The following TMEM35B variants were observed in gnomAD, a reference collection of about 807,000 sequenced individuals.
The protein encoded by TMEM35B is transmembrane protein 35B.
A neutral mutation model predicts 8.7 loss-of-function variants in TMEM35B; 6 were observed. The ratio of observed to expected loss-of-function variants is 0.69; its 90% CI spans 0.38 to 1.36. The LOEUF (loss-of-function observed/expected upper bound fraction) is 1.36. Ranked by LOEUF, TMEM35B falls within the 40% of genes most tolerant of loss-of-function variation. TMEM35B has a pLI of 0.02. For missense variants in TMEM35B, 176 were observed against 181.6 expected, an observed-to-expected ratio of 0.97 and a Z score of 0.18; for synonymous variants, 89 against 87.0, an observed-to-expected ratio of 1.02 and a Z score of -0.13.
exon 2 of TMEM35B, chr1:34,983,941 G>C: frequency 2.7e-6 from 4 of 1,497,148 alleles, no homozygotes; most frequent in Non-Finnish European, 3.6e-6. Flanking sequence ...TGCACGAACA[G>C]GGCATTCTAG....
At chr1:34,984,764 T>C (rs1284513639) in intron 1 of TMEM35B, among the ~76,000 whole-genome samples, 1 of 152,166 alleles carries the variant, frequency 6.6e-6, no homozygotes, top group African/African-American at 2.4e-5. Flanking sequence ...GCAGATATAC[T>C]TGCCCTTCAG....
At chr1:34,981,928 AAGAGAC>A in exon 3 of TMEM35B, 1 of 1,516,854 alleles carries the variant, frequency 6.6e-7, no homozygotes, top group South Asian at 1.3e-5. Flanking sequence ...GCATGGCATA[AAGAGAC>A]AGAGATGCTC....
At chr1:34,984,993 C>T (rs966840559) in intron 1 of TMEM35B, among the ~76,000 whole-genome samples, 4 of 151,394 alleles carry the variant, frequency 2.6e-5, no homozygotes, top group African/African-American at 9.8e-5. Flanking sequence ...GAGGTTCTGT[C>T]CCCTTCCGTC....
exon 3 of TMEM35B, chr1:34,982,037 C>A (rs1640512049): frequency 6.5e-7 from 1 of 1,550,036 alleles, no homozygotes; most frequent in Non-Finnish European, 8.7e-7. Flanking sequence ...CGACATTCAG[C>A]AGCAGCAGGA....
chr1:34,984,862 A>G (rs1569726935), intron 1 of TMEM35B, among the ~76,000 whole-genome samples: 1 of 152,128 alleles, frequency 6.6e-6, no homozygotes, highest in African/African-American at 2.4e-5. Context: ...GAAAAGAGGG[A>G]AGAGAGCGGG....
chr1:34,981,776 C>T, exon 3 of TMEM35B: 1 of 513,608 alleles, frequency 1.9e-6, no homozygotes, highest in East Asian at 3.5e-5. Context: ...ACATGTACTC[C>T]TCACAAAAGA....
In TMEM35B at chr1:34,982,135, A is replaced by G; in HGVS notation, c.290-16T>C. The stretch of plus-strand genomic sequence containing the variant: ...AAGATAGCCCCTGGAATGGAAAGTG[A>G]GGTCCCTGAGGCTCCTTGGAAGAAC... On this transcript the variant is annotated splice_polypyrimidine_tract_variant and intron_variant, in intron 2 of 2. Transcript: ENST00000373337. The G allele has an allele frequency of 6.5e-7, 1 of 1,533,370 alleles. No homozygotes were observed. Among genetic ancestry groups the G allele is most frequent in the Non-Finnish European group, 8.8e-7 (1 of 1,139,122 alleles). 95.0% of individuals were successfully genotyped at this position (1,533,370 alleles called of 1,614,324 possible).
At chr1:34,984,864 G>C (rs1182523354) in intron 1 of TMEM35B, among the ~76,000 whole-genome samples, 1 of 150,824 alleles carries the variant, frequency 6.6e-6, no homozygotes, top group African/African-American at 2.4e-5. Context: ...AAAGAGGGAA[G>C]AGAGCGGGAA....
At chr1:34,982,063 T>C in exon 3 of TMEM35B, 4 of 1,549,430 alleles carry the variant, frequency 2.6e-6, no homozygotes, top group East Asian at 2.4e-5. Context: ...AGGCAGACAA[T>C]GGCTGGGATA....
chr1:34,983,996 A>G, intron 1 of TMEM35B, 49 bp from the exon 2 acceptor site: 1 of 1,406,934 alleles, frequency 7.1e-7, no homozygotes, highest in Non-Finnish European at 9.4e-7. Context: ...AACAAGGATG[A>G]GCTCCCCAGA....
rs762970536 is a variant in TMEM35B, at chr1:34,982,006, T to C, written c.403A>G (p.Lys135Glu). ...TTCCTAGTGGGTCTGACCACCTTCT[T>C]AGTCTGGGCTAAGAGCTGGCCGACA... Residue 135 changes from lysine (K) to glutamate (E), a missense_variant, in exon 3 of 3, where the codon AAG becomes GAG. By Grantham distance (56) the Lys-to-Glu change is moderately conservative. Coordinates refer to ENST00000373337, the Ensembl canonical transcript of TMEM35B. 28 of 1,550,484 alleles carry C rather than the reference T, an allele frequency of 1.8e-5. No homozygotes were observed. The South Asian group carries it at 2.5e-4, about 14-fold the overall frequency.
In TMEM35B at chr1:34,983,780, A is replaced by C. The variant is rs746553898; in HGVS notation, c.276T>G (p.Ile92Met). The C allele has an allele frequency of 4.6e-6, 7 of 1,530,588 alleles. No individual in the cohort carries two copies. The African/African-American group carries it at 9.7e-5, about 21-fold the overall frequency. The allele number at this position is 1,530,588 out of a possible 1,614,324, so 94.8% of individuals were successfully genotyped here. A position where few individuals can be genotyped will look rare whatever the true frequency, so the allele number is the denominator to read the frequency against. Reference sequence around the variant, plus strand: ...TGGCCCCCTTACCCATCATGAGCAGAATCAAGAACAAGTTACTGATCTCTT... The same window carrying C: ...TGGCCCCCTTACCCATCATGAGCAGCATCAAGAACAAGTTACTGATCTCTT... The change falls in exon 2 of 3, where the codon ATT becomes ATG. Residue 92 changes from isoleucine to methionine, a missense_variant. By Grantham distance (10) the Ile-to-Met change is conservative. Transcript: ENST00000373337.
intron 1 of TMEM35B, 116 bp downstream of exon 1, chr1:34,985,082 C>G (rs1640552025): frequency 3.9e-6 from 3 of 759,510 alleles, no homozygotes; most frequent in Non-Finnish European, 5.7e-6. Context: ...TTTCCCCCAG[C>G]TCCAGCTGAG....
Position 34,985,294 on chromosome 1 carries a change from C to T in TMEM35B, c.12G>A (p.Leu4=), listed in dbSNP as rs1329058183. 3 of 1,535,282 alleles carry T rather than the reference C, an allele frequency of 2.0e-6. No individual in the cohort carries two copies. The Admixed American group carries it at 6.0e-5, about 31-fold the overall frequency. Residue 4 remains leucine (L), a synonymous_variant, in exon 1 of 3, where the codon CTG becomes CTA. Coordinates refer to ENST00000373337, the Ensembl canonical transcript of TMEM35B. The stretch of plus-strand genomic sequence containing the variant: ...CCAGCAGTACACGCAGCACCGAAAG[C>T]AGGAGCGCCATGGCCGCGCTCCCCC...
chr1:34,985,124 G>T, intron 1 of TMEM35B, 74 bp downstream of exon 1: 1 of 1,210,960 alleles, frequency 8.3e-7, no homozygotes, highest in Non-Finnish European at 1.1e-6. Context: ...CTGCCGGGCC[G>T]GGGGCGAGGA....
intron 1 of TMEM35B, among the ~76,000 whole-genome samples, chr1:34,984,164 A>G (rs891200362): frequency 2.6e-5 from 4 of 152,222 alleles, no homozygotes; most frequent in African/African-American, 9.7e-5. Flanking sequence ...TCCAAGTGGT[A>G]CAGAGATTGA....
chr1:34,982,879 G>C (rs890135311), intron 2 of TMEM35B, among the ~76,000 whole-genome samples: 2 of 152,186 alleles, frequency 1.3e-5, no homozygotes, highest in African/African-American at 4.8e-5. Flanking sequence ...AATGGGAGAA[G>C]CTCCAGAGAT....
chr1:34,985,252 G>C, exon 1 of TMEM35B: 1 of 1,545,270 alleles, frequency 6.5e-7, no homozygotes, highest in Non-Finnish European at 8.7e-7. Flanking sequence ...CCAACCCCAC[G>C]AGCGCGAAGA....
intron 1 of TMEM35B, 86 bp downstream of exon 1, chr1:34,985,112 G>C (rs1640552743): frequency 1.8e-6 from 2 of 1,086,880 alleles, no homozygotes; most frequent in Admixed American, 4.1e-5. Context: ...CCCGAAGGCG[G>C]CCTGCCGGGC....
Sources: allele counts gnomAD v4.1 joint callset (sites outside exome capture counted in the v4.1 genomes callset), GRCh38; gene constraint gnomAD v4.1.1; transcripts MANE v1.5; gene names NCBI Gene and HGNC (gene_info 2026-07-23, HGNC 2026-07-21).